Variants in PTPRD observed in about 807,000 individuals in gnomAD.
PTPRD encodes the protein protein tyrosine phosphatase receptor type D.
Under a neutral mutation model 214.5 loss-of-function variants are expected in PTPRD, and 34 were observed. That is an observed-to-expected ratio of 0.16 (90% CI 0.12 to 0.21). The LOEUF (loss-of-function observed/expected upper bound fraction) is 0.21. Among genes scored for constraint, PTPRD ranks in the 10% least tolerant of loss-of-function variants. The pLI is 1.00. For missense variants in PTPRD, 2,545 were observed against 2,398.7 expected, an observed-to-expected ratio of 1.06 and a Z score of -1.27; for synonymous variants, 1,128 against 845.7, an observed-to-expected ratio of 1.33 and a Z score of -5.79.
At chr9:9,584,471 C>T (rs10118823) in intron 7 of PTPRD, among the ~76,000 whole-genome samples, 2,335 of 151,938 alleles carry the variant, frequency 0.015, 59 homozygotes, top group African/African-American at 0.053. Flanking sequence ...ATTCCTAATG[C>T]TGTAGCCACT....
chr9:8,982,735 T>C (rs16928717), intron 11 of PTPRD, among the ~76,000 whole-genome samples: 31,314 of 151,958 alleles, frequency 0.21, 3,522 homozygotes, highest in Non-Finnish European at 0.24. Flanking sequence ...AGATTATCAA[T>C]TCATATTTAG....
intron 2 of PTPRD, among the ~76,000 whole-genome samples, chr9:10,499,255 C>T (rs2042962401): frequency 6.6e-6 from 1 of 151,890 alleles, no homozygotes; most frequent in Non-Finnish European, 1.5e-5. Context: ...GTTCAACTCC[C>T]ACTTATGTGT....
At chr9:8,603,238 A>C (rs748768418) in intron 14 of PTPRD, among the ~76,000 whole-genome samples, 20 of 150,080 alleles carry the variant, frequency 1.3e-4, no homozygotes, top group Non-Finnish European at 2.2e-4. Context: ...ATTACTCTTT[A>C]CAGACATCAG....
chr9:9,154,795 CT>C (rs1181339317), intron 10 of PTPRD, among the ~76,000 whole-genome samples: 1 of 152,064 alleles, frequency 6.6e-6, no homozygotes, highest in Non-Finnish European at 1.5e-5. Flanking sequence ...ACAAAAACCA[CT>C]TTTTGTTTAT....
intron 4 of PTPRD, among the ~76,000 whole-genome samples, chr9:9,959,163 G>A (rs576326371): frequency 6.6e-6 from 1 of 152,176 alleles, no homozygotes; most frequent in South Asian, 2.1e-4. Flanking sequence ...ATATTATTCA[G>A]CAATAAAAAG....
intron 2 of PTPRD, among the ~76,000 whole-genome samples, chr9:10,612,035 A>T (rs1411006472): frequency 6.6e-6 from 1 of 151,560 alleles, no homozygotes; most frequent in Non-Finnish European, 1.5e-5. Context: ...GAAGTGAGCC[A>T]GTAGGGTTAG....
intron 11 of PTPRD, among the ~76,000 whole-genome samples, chr9:8,969,256 T>C (rs1026241161): frequency 2.6e-5 from 4 of 152,064 alleles, no homozygotes; most frequent in African/African-American, 9.7e-5. Context: ...ACAGGTGCCC[T>C]CATCAAATTC....
chr9:8,963,143 G>A (rs2099167665), intron 11 of PTPRD: 1 of 152,206 alleles, frequency 6.6e-6, no homozygotes, highest in South Asian at 2.1e-4. Flanking sequence ...CATAGGAAAT[G>A]CATAAAATAT....
intron 11 of PTPRD, among the ~76,000 whole-genome samples, chr9:8,837,751 C>G (rs1418141719): frequency 1.5e-4 from 23 of 152,150 alleles, no homozygotes; most frequent in Non-Finnish European, 2.9e-5. Context: ...ATTCTCCTGT[C>G]TCAGCCTCCC....
chr9:10,480,617 A>G (rs527747976), intron 2 of PTPRD, among the ~76,000 whole-genome samples: 7 of 152,208 alleles, frequency 4.6e-5, no homozygotes, highest in African/African-American at 1.7e-4. Flanking sequence ...CTCAAAGAAG[A>G]GAATAAAATA....
At chr9:9,525,334 A>G (rs1453778138) in intron 8 of PTPRD, among the ~76,000 whole-genome samples, 1 of 152,168 alleles carries the variant, frequency 6.6e-6, no homozygotes. Flanking sequence ...ATCCCAGACC[A>G]TTATATTTCA....
chr9:10,491,533 C>CA lies in PTPRD; in HGVS notation c.-600+120864dup, dbSNP rs541840086. 6.6e-3 allele frequency among the ~76,000 whole-genome samples: 983 copies of CA among 149,760 alleles called. 9 individuals carry two copies. The highest frequency in any genetic ancestry group is 0.022 in the African/African-American group (890 of 40,772). On this transcript the variant is annotated intron_variant, in intron 2 of 45. Coordinates refer to ENST00000381196, the MANE Select transcript of PTPRD (RefSeq NM_002839.4). ...TTTTATTGCATGCCTACAAGATGAA[C>CA]AAAAAAAACCCATTGAAATGGTTAA...
At chr9:9,667,268 T>A (rs756063943) in intron 7 of PTPRD, among the ~76,000 whole-genome samples, 7 of 152,176 alleles carry the variant, frequency 4.6e-5, no homozygotes, top group East Asian at 3.9e-4. Flanking sequence ...TACCATACCT[T>A]GCTCAAATTC....
chr9:10,607,945 G>A (rs1461231360), intron 2 of PTPRD, among the ~76,000 whole-genome samples: 1 of 151,742 alleles, frequency 6.6e-6, no homozygotes, highest in Admixed American at 6.6e-5. Flanking sequence ...GTATTTACTT[G>A]GCAATATAGC....
chr9:8,339,907 TG>T (rs1456630697), intron 42 of PTPRD, among the ~76,000 whole-genome samples: 1 of 152,076 alleles, frequency 6.6e-6, no homozygotes, highest in Non-Finnish European at 1.5e-5. Flanking sequence ...AAAACTATGT[TG>T]CTTTCCAACA....
intron 44 of PTPRD, among the ~76,000 whole-genome samples, chr9:8,330,979 G>A (rs1038286912): frequency 6.6e-6 from 1 of 150,836 alleles, no homozygotes; most frequent in African/African-American, 2.5e-5. Flanking sequence ...AATTTATGGT[G>A]AATGTCTGAA....
chr9:10,556,378 G>A (rs1490351291), intron 2 of PTPRD, among the ~76,000 whole-genome samples: 1 of 151,854 alleles, frequency 6.6e-6, no homozygotes, highest in African/African-American at 2.4e-5. Flanking sequence ...GGTTACAAAT[G>A]GGGGATATTA....
chr9:9,130,529 A>G (rs2099841021), intron 10 of PTPRD, among the ~76,000 whole-genome samples: 1 of 152,210 alleles, frequency 6.6e-6, no homozygotes, highest in South Asian at 2.1e-4. Flanking sequence ...TCCAGAAAAC[A>G]ATCAATATCT....
intron 33 of PTPRD, among the ~76,000 whole-genome samples, chr9:8,458,225 G>C (rs1271201648): frequency 6.6e-6 from 1 of 152,052 alleles, no homozygotes; most frequent in Non-Finnish European, 1.5e-5. Context: ...TGTGGGATTA[G>C]GAAAAATTAT....
Sources: allele counts gnomAD v4.1 joint callset (sites outside exome capture counted in the v4.1 genomes callset), GRCh38; gene constraint gnomAD v4.1.1; transcripts MANE v1.5; gene names NCBI Gene and HGNC (gene_info 2026-07-23, HGNC 2026-07-21).